ATP2C1: variants seen among roughly 807,000 people sequenced by gnomAD.
ATP2C1 encodes the protein calcium-transporting ATPase type 2C member 1.
In ATP2C1, 31 loss-of-function variants were observed where a neutral mutation model predicts 120.5. That is an observed-to-expected ratio of 0.26 (90% CI 0.19 to 0.35). The LOEUF (loss-of-function observed/expected upper bound fraction) is 0.35, where lower values mean the gene tolerates loss of function less well. ATP2C1 is among the 10% of genes least tolerant of loss of function. ATP2C1 has a pLI of 1.00. For missense variants in ATP2C1, 731 were observed against 1,107.5 expected, an observed-to-expected ratio of 0.66 and a Z score of 4.83; for synonymous variants, 351 against 358.7, an observed-to-expected ratio of 0.98 and a Z score of 0.24.
chr3:130,979,716 T>C (rs1371488217), intron 19 of ATP2C1, among the ~76,000 whole-genome samples: 1 of 152,184 alleles, frequency 6.6e-6, no homozygotes, highest in African/African-American at 2.4e-5. Flanking sequence ...CACTAGATCA[T>C]GATTGTCAAA....
chr3:130,877,851 C>T (rs982973069), intron 1 of ATP2C1, among the ~76,000 whole-genome samples: 5 of 151,964 alleles, frequency 3.3e-5, no homozygotes, highest in Admixed American at 6.6e-5. Context: ...ATGTTTATTG[C>T]GGCACTATTC....
chr3:130,967,874 G>A (rs1301864475), intron 16 of ATP2C1, among the ~76,000 whole-genome samples: 2 of 152,084 alleles, frequency 1.3e-5, no homozygotes, highest in Non-Finnish European at 2.9e-5. Flanking sequence ...CAAAATGATT[G>A]TGAAGTTATA....
At chr3:130,872,022 C>CAAA (rs11347303) in intron 1 of ATP2C1, among the ~76,000 whole-genome samples, 20 of 117,572 alleles carry the variant, frequency 1.7e-4, no homozygotes, top group Non-Finnish European at 2.9e-4. Flanking sequence ...AACTCTGTCT[C>CAAA]AAAAAAAAAA....
chr3:131,004,137 G>T (rs2063009806), downstream of ATP2C1, among the ~76,000 whole-genome samples: 1 of 152,164 alleles, frequency 6.6e-6, no homozygotes, highest in Non-Finnish European at 1.5e-5. Flanking sequence ...AGGGATCTTT[G>T]CCCATTTACT....
chr3:130,988,181 A>T (rs951154105), intron 20 of ATP2C1, among the ~76,000 whole-genome samples: 6 of 152,134 alleles, frequency 3.9e-5, no homozygotes, highest in Non-Finnish European at 2.9e-5. Context: ...CTGTCCTAGA[A>T]GATTTGAGGA....
rs1345705431 is a variant in ATP2C1, at chr3:130,899,021, A to G, written c.6+4246A>G. ...TTCAGGCATCAGTTGTGACAAGGTTATCTTTATGCTTTTCATGTAGACAAA... is the reference window on the plus strand; with the variant it reads ...TTCAGGCATCAGTTGTGACAAGGTTGTCTTTATGCTTTTCATGTAGACAAA... On this transcript the variant is annotated intron_variant, in intron 2 of 27. Transcript: ENST00000510168. Among the ~76,000 whole-genome samples, 4 of 152,180 alleles carry G rather than the reference A, an allele frequency of 2.6e-5. No homozygotes were observed. In the East Asian group the frequency reaches 7.7e-4, roughly 29 times the overall value.
intron 2 of ATP2C1, among the ~76,000 whole-genome samples, chr3:130,911,042 C>A (rs2058381823): frequency 6.6e-6 from 1 of 151,924 alleles, no homozygotes; most frequent in Non-Finnish European, 1.5e-5. Context: ...CCTCCTTGTA[C>A]CTCTGATAGA....
intron 1 of ATP2C1, among the ~76,000 whole-genome samples, chr3:130,852,662 A>G (rs886406331): frequency 3.3e-5 from 5 of 152,240 alleles, no homozygotes; most frequent in Non-Finnish European, 7.3e-5. Flanking sequence ...CTAATGTCTC[A>G]CAGAATTAGA....
At chr3:130,926,638 A>T (rs1425941102) in intron 2 of ATP2C1, among the ~76,000 whole-genome samples, 1 of 152,250 alleles carries the variant, frequency 6.6e-6, no homozygotes, top group Non-Finnish European at 1.5e-5. Context: ...CAAACTATTA[A>T]ACCAAGTTTT....
chr3:130,872,333 T>C (rs934180864), intron 1 of ATP2C1, among the ~76,000 whole-genome samples: 6 of 152,178 alleles, frequency 3.9e-5, no homozygotes, highest in African/African-American at 1.4e-4. Context: ...AAAATTTAAC[T>C]GGAAAGATGA....
At chr3:130,979,537 A>T in intron 19 of ATP2C1, 118 bp downstream of exon 19, 3 of 1,131,058 alleles carry the variant, frequency 2.7e-6, no homozygotes, top group Non-Finnish European at 3.8e-6. Context: ...ATGCAATTGA[A>T]ATCGACTCAT....
chr3:130,927,501 A>G (rs1038655599), intron 2 of ATP2C1, among the ~76,000 whole-genome samples: 3 of 152,130 alleles, frequency 2.0e-5, no homozygotes, highest in African/African-American at 7.2e-5. Flanking sequence ...TCAGCCTCCC[A>G]AAGTGCTGGG....
chr3:130,956,756 TC>T (rs2060598421), intron 11 of ATP2C1, among the ~76,000 whole-genome samples: 1 of 152,210 alleles, frequency 6.6e-6, no homozygotes, highest in Non-Finnish European at 1.5e-5. Flanking sequence ...GTCATTAACT[TC>T]AACTGTAAAT....
intron 8 of ATP2C1, among the ~76,000 whole-genome samples, chr3:130,944,099 C>T (rs2060035501): frequency 6.6e-6 from 1 of 152,192 alleles, no homozygotes; most frequent in African/African-American, 2.4e-5. Context: ...ATAGATTTCA[C>T]TTTAGAGAAA....
chr3:130,992,871 C>T, intron 20 of ATP2C1, 80 bp from the exon 21 acceptor site: 1 of 1,154,442 alleles, frequency 8.7e-7, no homozygotes, highest in Non-Finnish European at 1.3e-6. Context: ...ATGAGTTTTT[C>T]ATCATTAGTT....
chr3:130,967,600 T>G (rs548184952), intron 16 of ATP2C1, among the ~76,000 whole-genome samples, 181 bp downstream of exon 16: 18 of 152,142 alleles, frequency 1.2e-4, no homozygotes, highest in Non-Finnish European at 2.6e-4. Context: ...GTATAGACTT[T>G]TTTCAGTATA....
rs748952436 is a variant in ATP2C1 at position 130,997,584 on chromosome 3, T to G, written c.2244-22T>G. 8.1e-6 allele frequency: 13 copies of G among 1,610,584 alleles called. No individual in the cohort carries two copies. The African/African-American group carries it at 1.3e-4, about 17-fold the overall frequency. Reference sequence around the variant, plus strand: ...CAGACCTTAAAACTTGAAAGTAATTTATTTTTCTGTTTGTTTTTAAGCCTT... The same window carrying G: ...CAGACCTTAAAACTTGAAAGTAATTGATTTTTCTGTTTGTTTTTAAGCCTT... On this transcript the variant is annotated intron_variant, in intron 24 of 27. Transcript: ENST00000510168.
chr3:131,015,504 C>G (rs544374476), intron 26 of ATP2C1, among the ~76,000 whole-genome samples: 2 of 152,176 alleles, frequency 1.3e-5, no homozygotes, highest in Admixed American at 1.3e-4. Flanking sequence ...ATTATAATTA[C>G]TCTGTGGCAC....
At chr3:130,927,165 A>G (rs1291355420) in intron 2 of ATP2C1, among the ~76,000 whole-genome samples, 1 of 152,330 alleles carries the variant, frequency 6.6e-6, no homozygotes, top group East Asian at 1.9e-4. Context: ...GAAAACAGGT[A>G]AAACAACAAA....
Sources: allele counts gnomAD v4.1 joint callset (sites outside exome capture counted in the v4.1 genomes callset), GRCh38; gene constraint gnomAD v4.1.1; transcripts MANE v1.5; gene names NCBI Gene and HGNC (gene_info 2026-07-23, HGNC 2026-07-21).